The following DENND5B variants were observed in gnomAD, a reference collection of about 807,000 sequenced individuals.
The protein encoded by DENND5B is DENN domain containing 5B.
Under a neutral mutation model 140.6 loss-of-function variants are expected in DENND5B, and 34 were observed. The ratio of observed to expected loss-of-function variants is 0.24; its 90% CI spans 0.18 to 0.32. The LOEUF is 0.32. Ranked by LOEUF, DENND5B falls within the 10% of genes least tolerant of loss-of-function variation. The pLI is 1.00. For missense variants in DENND5B, 1,142 were observed against 1,560.2 expected (o/e 0.73, Z 4.52); for synonymous variants, 551 against 562.1 (o/e 0.98, Z 0.28).
chr12:31,416,588 A>G (rs1942750809), intron 11 of DENND5B, among the ~76,000 whole-genome samples: 2 of 152,008 alleles, frequency 1.3e-5, no homozygotes, highest in Admixed American at 6.6e-5. Flanking sequence ...TACTTGTTCT[A>G]ATAGCTCTAG....
At chr12:31,433,530 AC>A (rs1943609569) in intron 7 of DENND5B, among the ~76,000 whole-genome samples, 1 of 152,238 alleles carries the variant, frequency 6.6e-6, no homozygotes, top group South Asian at 2.1e-4. Context: ...TTAGATACTT[AC>A]ATACATAACA....
Position 31,424,094 on chromosome 12 carries a change from C to T in DENND5B, c.2392-419G>A, listed in dbSNP as rs1041809894. On this transcript the variant is annotated intron_variant, in intron 10 of 20. Transcript: ENST00000389082. ...TGGAGTGGCGATAAGAGAAAAAAAT[C>T]GAGGTGAGAGGAGAAAGAGAAAAAG... Among the ~76,000 whole-genome samples, 9 of 151,550 alleles carry T rather than the reference C, an allele frequency of 5.9e-5. No individual in the cohort carries two copies. In the South Asian group the frequency reaches 6.2e-4, roughly 11 times the overall value.
intron 1 of DENND5B, among the ~76,000 whole-genome samples, chr12:31,560,387 C>T (rs1949432096): frequency 6.6e-6 from 1 of 152,134 alleles, no homozygotes; most frequent in Non-Finnish European, 1.5e-5. Flanking sequence ...TAACAAAATC[C>T]TATTGTTTCA....
At chr12:31,515,379 T>C (rs553747594) in intron 1 of DENND5B, among the ~76,000 whole-genome samples, 1 of 152,338 alleles carries the variant, frequency 6.6e-6, no homozygotes, top group East Asian at 1.9e-4. Context: ...ATCATTATTA[T>C]TATTATTGTA....
chr12:31,410,170 G>A (rs940263895), intron 13 of DENND5B, among the ~76,000 whole-genome samples: 1 of 152,110 alleles, frequency 6.6e-6, no homozygotes, highest in Non-Finnish European at 1.5e-5. Context: ...CTCACAGTTG[G>A]TGAGACTGAA....
chr12:31,389,218 G>C lies in DENND5B; in HGVS notation c.3641+106C>G, dbSNP rs575877560. The C allele has an allele frequency of 2.1e-5, 23 of 1,086,238 alleles. No individual in the cohort carries two copies. In the African/African-American group the frequency reaches 2.7e-4, roughly 13 times the overall value. 67.3% of individuals were successfully genotyped at this position (1,086,238 alleles called of 1,614,324 possible). ...TTTCAAAAGAAAAAGTAAAAGGAAA[G>C]AAACCCAAAGGAGAGCTCTGGAAGG... On this transcript the variant is annotated intron_variant, in intron 20 of 20. Transcript: ENST00000389082.
chr12:31,491,314 G>C (rs569022247), intron 2 of DENND5B, among the ~76,000 whole-genome samples: 1 of 152,224 alleles, frequency 6.6e-6, no homozygotes, highest in South Asian at 2.1e-4. Flanking sequence ...TTAGCCAGGC[G>C]TGATGGTGCG....
chr12:31,440,015 G>A (rs1280884799), intron 7 of DENND5B, among the ~76,000 whole-genome samples: 2 of 148,322 alleles, frequency 1.3e-5, no homozygotes, highest in African/African-American at 5.0e-5. Context: ...CGAACAATTA[G>A]GATACTTCAC....
chr12:31,470,439 G>A (rs1481664622), intron 3 of DENND5B, among the ~76,000 whole-genome samples: 1 of 151,318 alleles, frequency 6.6e-6, no homozygotes, highest in South Asian at 2.1e-4. Flanking sequence ...TTGTAGAGAC[G>A]GGGTTTCACC....
At chr12:31,538,229 C>T (rs1480177301) in intron 1 of DENND5B, among the ~76,000 whole-genome samples, 1 of 152,148 alleles carries the variant, frequency 6.6e-6, no homozygotes, top group African/African-American at 2.4e-5. Context: ...TTCCTCAGCA[C>T]ATGGATCATT....
rs1942459824 is a variant in DENND5B, at chr12:31,411,477, TG to T, written c.2681+1958del. Among the ~76,000 whole-genome samples, 3 of 151,528 alleles carry T rather than the reference TG, an allele frequency of 2.0e-5. No homozygotes were observed. The South Asian group carries it at 6.2e-4, about 32-fold the overall frequency. Reference sequence around the variant, plus strand: ...CTCCTGCCTCTGCCTCCCAAGTAGCTGGGATTATAGGCATGCGCCACGACAC... The same window carrying T: ...CTCCTGCCTCTGCCTCCCAAGTAGCTGGATTATAGGCATGCGCCACGACAC... On this transcript the variant is annotated intron_variant, in intron 13 of 20. Transcript: ENST00000389082.
At chr12:31,485,538 C>G (rs536130927) in intron 2 of DENND5B, among the ~76,000 whole-genome samples, 1 of 152,342 alleles carries the variant, frequency 6.6e-6, no homozygotes, top group South Asian at 2.1e-4. Flanking sequence ...ACCACAATTA[C>G]TTTTGTACCA....
intron 7 of DENND5B, 49 bp downstream of exon 7, chr12:31,442,726 C>G (rs753488726): frequency 6.3e-7 from 1 of 1,583,742 alleles, no homozygotes; most frequent in Non-Finnish European, 8.6e-7. Context: ...GAGCACCCCA[C>G]CCTTCATTCA....
intron 7 of DENND5B, among the ~76,000 whole-genome samples, chr12:31,440,692 C>T (rs946589494): frequency 1.3e-5 from 2 of 152,096 alleles, no homozygotes; most frequent in Non-Finnish European, 2.9e-5. Context: ...AGGGTCTTTG[C>T]AAGGTTGACC....
intron 1 of DENND5B, among the ~76,000 whole-genome samples, chr12:31,546,665 G>C (rs1948872438): frequency 6.6e-6 from 1 of 152,134 alleles, no homozygotes; most frequent in African/African-American, 2.4e-5. Flanking sequence ...CAGCCTGGGA[G>C]ACAGAGCGAG....
intron 1 of DENND5B, among the ~76,000 whole-genome samples, chr12:31,555,730 C>G (rs1361697320): frequency 6.6e-6 from 1 of 152,220 alleles, no homozygotes; most frequent in African/African-American, 2.4e-5. Context: ...CTTTGTTTAC[C>G]TAATCAAACA....
chr12:31,485,736 CCTCTCTCT>C (rs55748263), intron 2 of DENND5B, among the ~76,000 whole-genome samples: 5 of 149,736 alleles, frequency 3.3e-5, no homozygotes, highest in East Asian at 2.0e-4. Flanking sequence ...GCTTCCATCT[CCTCTCTCT>C]CTCTCTCTCT....
intron 8 of DENND5B, among the ~76,000 whole-genome samples, chr12:31,428,805 C>T (rs1267284540): frequency 6.6e-6 from 1 of 152,074 alleles, no homozygotes; most frequent in South Asian, 2.1e-4. Context: ...GATCTCGGCT[C>T]ACTGCAAGCT....
At chr12:31,581,937 G>T (rs910743983) in intron 1 of DENND5B, among the ~76,000 whole-genome samples, 2 of 152,000 alleles carry the variant, frequency 1.3e-5, no homozygotes. Flanking sequence ...GTCACCTCCT[G>T]GTTAGTTATA....
Sources: gnomAD v4.1 joint callset for allele counts (sites outside exome capture counted in the v4.1 genomes callset) on GRCh38, gnomAD v4.1.1 for gene constraint, MANE v1.5 for transcripts, NCBI Gene and HGNC (gene_info 2026-07-23, HGNC 2026-07-21) for gene names.